C3: variants seen among roughly 807,000 people sequenced by gnomAD.
C3 encodes the protein complement C3.
Under a neutral mutation model 207.9 loss-of-function variants are expected in C3, and 97 were observed. The observed-to-expected ratio is 0.47, with a 90% confidence interval of 0.40 to 0.55. The LOEUF is 0.55. Among genes scored for constraint, C3 ranks in the 20% least tolerant of loss-of-function variants. C3 has a pLI of 0.00. For synonymous variants in C3, 848 were observed against 857.6 expected, an observed-to-expected ratio of 0.99 and a Z score of 0.20; for missense variants, 1,684 against 2,171.7, an observed-to-expected ratio of 0.78 and a Z score of 4.46.
rs1429097512 is a variant in C3, at chr19:6,678,434, T to C, written c.4652A>G (p.Lys1551Arg). The C allele has an allele frequency of 1.2e-6, 2 of 1,614,000 alleles. No homozygotes were observed. The highest frequency in any genetic ancestry group is 1.3e-5 in the African/African-American group (1 of 74,898). Residue 1551 changes from lysine to arginine, a missense_variant, in exon 39 of 41, where the codon AAG (lysine) becomes AGG (arginine). Coordinates refer to ENST00000245907, the MANE Select transcript of C3 (RefSeq NM_000064.4). ...VDYVYKTRLVKVQLSNDFDEY... is the reference protein window; with the variant it reads ...VDYVYKTRLVRVQLSNDFDEY... ...GTCAAAGTCATTGGACAGCTGAACC[T>C]TGACCAGTCGGGTCTTGTACACTGT...
At chr19:6,679,258 C>T (rs775429724) in intron 37 of C3, 50 bp from the exon 38 acceptor site, 1 of 1,547,136 alleles carries the variant, frequency 6.5e-7, no homozygotes, top group Non-Finnish European at 8.9e-7. Flanking sequence ...TTATCTGGGG[C>T]CTACTGCCCA....
chr19:6,678,081 T>A (rs1475823338), intron 40 of C3, 58 bp from the exon 41 acceptor site: 18 of 1,613,242 alleles, frequency 1.1e-5, no homozygotes, highest in Non-Finnish European at 1.5e-5. Context: ...CGCAGGGGCG[T>A]GACAATGGTG....
intron 36 of C3, among the ~76,000 whole-genome samples, chr19:6,679,885 T>C (rs1156992376): frequency 6.6e-6 from 1 of 152,032 alleles, no homozygotes; most frequent in East Asian, 1.9e-4. Context: ...AACCAACTCA[T>C]AGATCCTTGG....
At position 6,678,356 on chromosome 19, in the gene C3, G is replaced by A; in HGVS notation, c.4714+16C>T. 6.2e-7 allele frequency: 1 copy of A among 1,614,164 alleles called. No homozygotes were observed. Reference sequence around the variant, plus strand: ...AGCCAGGGAAGAGCCACGGGAGGCAGCGTGCTGAGCCTGACCTGACTTGAT... The same window carrying A: ...AGCCAGGGAAGAGCCACGGGAGGCAACGTGCTGAGCCTGACCTGACTTGAT... On this transcript the variant is annotated intron_variant, in intron 39 of 40. Transcript: ENST00000245907.
rs777836973 is a variant in C3, at chr19:6,707,899, C to G, written c.1876G>C (p.Gly626Arg). ...TCCTTCCCACTGCCCGGGGTGCAGCCGATGTCTGCCTTCTCCACCACGTCC... is the reference window on the plus strand; with the variant it reads ...TCCTTCCCACTGCCCGGGGTGCAGCGGATGTCTGCCTTCTCCACCACGTCC... ...IWDVVEKADI[G>R]CTPGSGKDYA... Residue 626 changes from glycine (G) to arginine (R), a missense_variant, in exon 15 of 41, where the codon GGC (glycine) becomes CGC (arginine). Coordinates refer to ENST00000245907, the MANE Select transcript of C3 (RefSeq NM_000064.4). The G allele has an allele frequency of 2.5e-6, 4 of 1,613,944 alleles. No homozygotes were observed. Among genetic ancestry groups the G allele is most frequent in the East Asian group, 4.5e-5 (2 of 44,876 alleles).
At chr19:6,710,595 GTAGGGA>G (rs767485545) in intron 13 of C3, 38 bp downstream of exon 13, 1 of 1,434,948 alleles carries the variant, frequency 7.0e-7, no homozygotes, top group Admixed American at 1.8e-5. Flanking sequence ...AGAGAGAGGA[GTAGGGA>G]GAGGGAGAGG....
intron 5 of C3, 35 bp downstream of exon 5, chr19:6,714,317 G>T (rs774171621): frequency 1.6e-5 from 25 of 1,609,708 alleles, no homozygotes; most frequent in Non-Finnish European, 1.8e-5. Flanking sequence ...GGGGATAGGG[G>T]AGCCCTGAGC....
rs557573264 is a variant in C3, at chr19:6,719,079, T to C, written c.267+132A>G. ...GGAGGGGCTTAGAAGGAGAGGCGAC[T>C]CCGAAGGGGTGGAGTCTCAGGGAAG... On this transcript the variant is annotated intron_variant, in intron 2 of 40. Coordinates refer to ENST00000245907, the MANE Select transcript of C3 (RefSeq NM_000064.4). The surrounding 1 kb of genome is among the most constrained non-coding windows in gnomAD (Gnocchi z 5.4). The C allele has an allele frequency of 5.2e-3, 4,183 of 799,078 alleles. 12 individuals carry two copies. The highest frequency in any genetic ancestry group is 7.5e-3 in the Non-Finnish European group (3,520 of 468,778). The allele number at this position is 799,078 out of a possible 1,614,324, so 49.5% of individuals were successfully genotyped here. A position where few individuals can be genotyped will look rare whatever the true frequency, so the allele number is the denominator to read the frequency against.
chr19:6,709,879 C>T (rs1484300784), intron 13 of C3, 37 bp from the exon 14 acceptor site: 1 of 1,600,280 alleles, frequency 6.2e-7, no homozygotes, highest in East Asian at 2.3e-5. Flanking sequence ...GAAGTCAGCC[C>T]TGGGAGAGAG....
Position 6,679,212 on chromosome 19 carries a change from C to G in C3, c.4547-4G>C. The G allele has an allele frequency of 6.2e-7, 1 of 1,613,636 alleles. No individual in the cohort carries two copies. The highest frequency in any genetic ancestry group is 8.5e-7 in the Non-Finnish European group (1 of 1,179,488). ...GACTTTTGTATGAAGCAATTCTCTGCAGGGTGGGGTGGAGACAGGGTCTAA... is the reference window on the plus strand; with the variant it reads ...GACTTTTGTATGAAGCAATTCTCTGGAGGGTGGGGTGGAGACAGGGTCTAA... On this transcript the variant is annotated splice_polypyrimidine_tract_variant and splice_region_variant and intron_variant, in intron 37 of 40. Transcript: ENST00000245907.
At position 6,718,272 on chromosome 19, in the gene C3, C is replaced by T. The variant is rs1388395900; in HGVS notation, c.408G>A (p.Lys136=). Residue 136 remains lysine (K), a synonymous_variant, in exon 3 of 41, where the codon AAG becomes AAA. Transcript: ENST00000245907. The stretch of plus-strand genomic sequence containing the variant: ...CTGTGGAGCCAGGGGTGTAGATGGT[C>T]TTGTCTGTCTGGATGAAGAGGTACC... ...QSGYLFIQTD[K]TIYTPGSTVL... is the part of the protein sequence containing the mutation. The T allele has an allele frequency of 2.5e-6, 4 of 1,614,022 alleles. No homozygotes were observed. The highest frequency in any genetic ancestry group is 2.7e-5 in the African/African-American group (2 of 74,984).
intron 4 of C3, among the ~76,000 whole-genome samples, chr19:6,715,052 T>C (rs1260725156): frequency 1.3e-5 from 2 of 152,190 alleles, no homozygotes; most frequent in Admixed American, 1.3e-4. Context: ...GGGCTCATTT[T>C]TTCAGTGTCT....
intron 26 of C3, among the ~76,000 whole-genome samples, chr19:6,691,917 G>A (rs1360362869): frequency 3.3e-5 from 5 of 151,746 alleles, no homozygotes; most frequent in Non-Finnish European, 5.9e-5. Context: ...AACCTGGGAG[G>A]TGGAGGTTGC....
rs749747907 is a variant in C3, at chr19:6,684,958, A to AGTCT, written c.3969+29_3969+30insAGAC. The AGTCT allele has an allele frequency of 2.6e-5, 42 of 1,612,860 alleles. No individual in the cohort carries two copies. The African/African-American group carries it at 3.9e-4, about 15-fold the overall frequency. On this transcript the variant is annotated intron_variant, in intron 30 of 40. Transcript: ENST00000245907. ...GGCTAGTGTAGGGGGAGACAGCCAG[A>AGTCT]GTGAGGAGGGCTTGGCTGGGTGACT...
intron 20 of C3, 47 bp downstream of exon 20, chr19:6,697,605 C>G (rs1599510328): frequency 6.2e-7 from 1 of 1,613,952 alleles, no homozygotes; most frequent in African/African-American, 1.3e-5. Flanking sequence ...AACAGGCTAC[C>G]TACCCCCTGG....
intron 19 of C3, among the ~76,000 whole-genome samples, chr19:6,699,126 A>G (rs2145413396): frequency 6.6e-6 from 1 of 152,284 alleles, no homozygotes. Context: ...GGTGACATAT[A>G]GTAAGTGAAT....
chr19:6,678,957 C>T lies in C3; in HGVS notation c.4630+168G>A, dbSNP rs1167103723. Among the ~76,000 whole-genome samples the T allele has an allele frequency of 7.2e-5, 11 of 152,188 alleles. No homozygotes were observed. The East Asian group carries it at 2.1e-3, about 29-fold the overall frequency. ...TGAGCATACCTAGGCCACTCACAGT[C>T]ATGGTTCCCCACACAATCATGGCCC... On this transcript the variant is annotated intron_variant, in intron 38 of 40. Coordinates refer to ENST00000245907, the MANE Select transcript of C3 (RefSeq NM_000064.4).
In C3 at chr19:6,702,587, G is replaced by A. The variant is rs406514; in HGVS notation, c.2246-8C>T. On this transcript the variant is annotated splice_polypyrimidine_tract_variant and splice_region_variant and intron_variant, in intron 17 of 40. Coordinates refer to ENST00000245907, the MANE Select transcript of C3 (RefSeq NM_000064.4). The stretch of plus-strand genomic sequence containing the variant: ...TGTCCTCATCCAGGTTACCTGCAGG[G>A]GGTTTAGATCTGCATTTAGAACAGA... 1,225,567 of 1,593,358 alleles carry A rather than the reference G, an allele frequency of 0.77. 472,856 individuals carry two copies. The highest frequency in any genetic ancestry group is 0.93 in the East Asian group (41,548 of 44,798).
chr19:6,679,556 T>C (rs990430415), intron 36 of C3, 60 bp from the exon 37 acceptor site: 2 of 1,144,682 alleles, frequency 1.7e-6, no homozygotes, highest in African/African-American at 3.0e-5. Flanking sequence ...AGACCATGCC[T>C]GGGAGGCCCA....
Sources: allele counts gnomAD v4.1 joint callset (sites outside exome capture counted in the v4.1 genomes callset), GRCh38; gene constraint gnomAD v4.1.1; non-coding constraint Gnocchi (gnomAD v3.1); transcripts MANE v1.5; gene names NCBI Gene and HGNC (gene_info 2026-07-23, HGNC 2026-07-21).